The following AGBL1 variants were observed in gnomAD, a reference collection of about 807,000 sequenced individuals.
AGBL1 encodes cytosolic carboxypeptidase 4.
A neutral mutation model predicts 118.9 loss-of-function variants in AGBL1; 130 were observed. The ratio of observed to expected loss-of-function variants is 1.09; its 90% confidence interval spans 0.95 to 1.26. The LOEUF (loss-of-function observed/expected upper bound fraction) is 1.26, where lower values mean the gene tolerates loss of function less well. AGBL1 is among the 50% of genes most tolerant of loss of function. AGBL1 has a pLI of 0.00. For missense variants in AGBL1, 1,584 were observed against 1,298.1 expected, an observed-to-expected ratio of 1.22 and a Z score of -3.38; for synonymous variants, 555 against 478.9, an observed-to-expected ratio of 1.16 and a Z score of -2.08.
At chr15:86,080,222 A>T (rs1895174790) in intron 1 of AGBL1, 199 bp downstream of exon 1, 1 of 396,416 alleles carries the variant, frequency 2.5e-6, no homozygotes, top group Non-Finnish European at 4.4e-6. Flanking sequence ...GACGATGTTG[A>T]TGATTGTTCT....
At chr15:86,347,834 C>T (rs908431641) in intron 17 of AGBL1, among the ~76,000 whole-genome samples, 3 of 152,238 alleles carry the variant, frequency 2.0e-5, no homozygotes, top group Non-Finnish European at 4.4e-5. Context: ...TATCAAATCA[C>T]TGGTGCAGTT....
chr15:86,397,604 C>A, intron 18 of AGBL1, 58 bp downstream of exon 18: 3 of 1,493,742 alleles, frequency 2.0e-6, no homozygotes, highest in South Asian at 2.6e-5. Context: ...GTGACACTGT[C>A]ATTTCACCAA....
intron 21 of AGBL1, among the ~76,000 whole-genome samples, chr15:86,614,014 C>A (rs1325118042): frequency 3.9e-5 from 6 of 152,066 alleles, no homozygotes; most frequent in Admixed American, 3.9e-4. Flanking sequence ...GAAACTTATC[C>A]CGCTGAGTTG....
chr15:86,328,876 G>C (rs532838773), intron 17 of AGBL1, among the ~76,000 whole-genome samples: 2 of 152,182 alleles, frequency 1.3e-5, no homozygotes, highest in African/African-American at 4.8e-5. Context: ...ACAGGACACC[G>C]TTTTTAATTT....
At chr15:86,142,140 C>T in intron 2 of AGBL1, 73 bp downstream of exon 2, 2 of 1,447,320 alleles carry the variant, frequency 1.4e-6, no homozygotes, top group Non-Finnish European at 9.4e-7. Flanking sequence ...TCCCAGGCAC[C>T]TCTGTGACCT....
intron 4 of AGBL1, among the ~76,000 whole-genome samples, chr15:86,154,920 G>C (rs191868086): frequency 1.3e-5 from 2 of 152,216 alleles, no homozygotes; most frequent in African/African-American, 4.8e-5. Flanking sequence ...ACATTCAAGT[G>C]TTATATCTGG....
chr15:86,532,581 G>T (rs1291930752), intron 19 of AGBL1, among the ~76,000 whole-genome samples: 1 of 141,194 alleles, frequency 7.1e-6, no homozygotes, highest in Admixed American at 7.1e-5. Flanking sequence ...AGCTACCAAT[G>T]ACTTTCTTCA....
intron 22 of AGBL1, among the ~76,000 whole-genome samples, chr15:86,676,012 G>C (rs2085840262): frequency 6.6e-6 from 1 of 152,112 alleles, no homozygotes; most frequent in Admixed American, 6.5e-5. Flanking sequence ...TTATTATAAG[G>C]AGATAGTATT....
At chr15:86,809,194 C>G (rs763839205) in intron 22 of AGBL1, among the ~76,000 whole-genome samples, 2 of 152,146 alleles carry the variant, frequency 1.3e-5, no homozygotes, top group Non-Finnish European at 2.9e-5. Flanking sequence ...CACTGAGGCA[C>G]AGTGATTCAT....
At chr15:86,689,971 T>TGCAACTAGTAACTTTGG (rs2086134129) in intron 22 of AGBL1, among the ~76,000 whole-genome samples, 1 of 152,178 alleles carries the variant, frequency 6.6e-6, no homozygotes, top group African/African-American at 2.4e-5. Context: ...AAGCTCTTAT[T>TGCAACTAGTAACTTTGG]GCAACTAGTA....
At chr15:86,805,982 G>C (rs1436615976) in intron 22 of AGBL1, among the ~76,000 whole-genome samples, 2 of 152,024 alleles carry the variant, frequency 1.3e-5, no homozygotes, top group African/African-American at 4.8e-5. Context: ...CTGATTTCAG[G>C]GGCTCTTTCC....
intron 22 of AGBL1, among the ~76,000 whole-genome samples, chr15:86,737,504 T>A (rs546613149): frequency 6.6e-6 from 1 of 152,332 alleles, no homozygotes; most frequent in Non-Finnish European, 1.5e-5. Flanking sequence ...CCTAACAAAG[T>A]GCCTATGATA....
At chr15:86,968,244 C>G (rs1355704779) in intron 23 of AGBL1, among the ~76,000 whole-genome samples, 3 of 151,804 alleles carry the variant, frequency 2.0e-5, no homozygotes, top group African/African-American at 7.3e-5. Flanking sequence ...ATTACCATCT[C>G]TTTGACCTTC....
intron 19 of AGBL1, among the ~76,000 whole-genome samples, chr15:86,524,197 G>C (rs2083229708): frequency 6.6e-6 from 1 of 152,272 alleles, no homozygotes; most frequent in African/African-American, 2.4e-5. Context: ...TGGGAATTCA[G>C]TTCTGATATG....
At chr15:86,780,173 A>G (rs1431684663) in intron 22 of AGBL1, among the ~76,000 whole-genome samples, 1 of 142,578 alleles carries the variant, frequency 7.0e-6, no homozygotes, top group Middle Eastern at 3.3e-3. Flanking sequence ...GATGTAAGGA[A>G]CAAGACACAT....
chr15:86,469,685 C>A (rs954206250), intron 18 of AGBL1, among the ~76,000 whole-genome samples: 7 of 152,068 alleles, frequency 4.6e-5, no homozygotes, highest in African/African-American at 1.7e-4. Context: ...TACCAATTTG[C>A]TTGCCACCAA....
At chr15:86,418,736 A>C (rs1454701964) in intron 18 of AGBL1, among the ~76,000 whole-genome samples, 1 of 152,182 alleles carries the variant, frequency 6.6e-6, no homozygotes, top group Non-Finnish European at 1.5e-5. Flanking sequence ...AGGATGATTC[A>C]GACTTCCCAC....
At chr15:86,410,479 A>G (rs1458183261) in intron 18 of AGBL1, among the ~76,000 whole-genome samples, 1 of 152,012 alleles carries the variant, frequency 6.6e-6, no homozygotes, top group African/African-American at 2.4e-5. Context: ...TGGACAATTT[A>G]CTTAACTTCT....
intron 3 of AGBL1, among the ~76,000 whole-genome samples, chr15:86,148,885 A>G (rs558957110): frequency 2.6e-5 from 4 of 152,316 alleles, no homozygotes; most frequent in African/African-American, 9.6e-5. Flanking sequence ...GAGAAAGGTC[A>G]AGTTACCCAC....
Sources: gnomAD v4.1 joint callset for allele counts (sites outside exome capture counted in the v4.1 genomes callset) on GRCh38, gnomAD v4.1.1 for gene constraint, MANE v1.5 for transcripts, NCBI Gene and HGNC (gene_info 2026-07-23, HGNC 2026-07-21) for gene names.